The following IL16 variants were observed in gnomAD, a reference collection of about 807,000 sequenced individuals.
IL16 encodes the protein pro-interleukin-16.
A neutral mutation model predicts 110.1 loss-of-function variants in IL16; 67 were observed. The observed-to-expected ratio is 0.61, with a 90% confidence interval of 0.50 to 0.75. IL16 has a LOEUF of 0.75. IL16 is among the 30% of genes least tolerant of loss of function. The pLI, the probability that IL16 is intolerant of heterozygous loss-of-function variation, is 0.00. For missense variants in IL16, 1,545 were observed against 1,655.0 expected, an observed-to-expected ratio of 0.93 and a Z score of 1.15; for synonymous variants, 689 against 662.9, an observed-to-expected ratio of 1.04 and a Z score of -0.61.
intron 1 of IL16, among the ~76,000 whole-genome samples, chr15:81,210,777 A>G (rs931276897): frequency 1.3e-5 from 2 of 152,214 alleles, no homozygotes; most frequent in Admixed American, 6.5e-5. Context: ...ATAGATTCAT[A>G]TTGACAACGA....
At chr15:81,279,095 T>C (rs552607120) in intron 7 of IL16, among the ~76,000 whole-genome samples, 190 of 152,358 alleles carry the variant, frequency 1.2e-3, no homozygotes, top group African/African-American at 4.4e-3. Context: ...ATTTTAAAAC[T>C]CTTTAATATT....
In IL16 at chr15:81,285,777, C is replaced by A. The variant is rs201587454; in HGVS notation, c.1279C>A (p.His427Asn). Reference protein sequence around the residue: ...TLNEVYTILSHCDPGPVPIIV... With the variant: ...TLNEVYTILSNCDPGPVPIIV... Reference sequence around the variant, plus strand: ...CAATGAAGTCTACACGATCCTGAGTCACTGTGATCCCGGTCCAGTCCCCAT... The same window carrying A: ...CAATGAAGTCTACACGATCCTGAGTAACTGTGATCCCGGTCCAGTCCCCAT... The change falls in exon 10 of 19, where the codon CAC becomes AAC. Residue 427 changes from histidine (H) to asparagine (N), a missense_variant. This residue lies in a region of IL16 where 1,185 missense variants were observed against 1,238.8 expected (regional missense o/e 0.96). Transcript: ENST00000683961. 2.5e-6 allele frequency: 4 copies of A among 1,614,158 alleles called. No individual in the cohort carries two copies. In the East Asian group the frequency reaches 8.9e-5, roughly 36 times the overall value.
At chr15:81,253,671 T>C (rs1178029739) in intron 2 of IL16, among the ~76,000 whole-genome samples, 1 of 152,248 alleles carries the variant, frequency 6.6e-6, no homozygotes, top group East Asian at 1.9e-4. Flanking sequence ...TTCACTCTTT[T>C]GCATGTGAAT....
At chr15:81,218,841 A>T (rs935548950) in intron 1 of IL16, among the ~76,000 whole-genome samples, 2 of 152,188 alleles carry the variant, frequency 1.3e-5, no homozygotes, top group African/African-American at 2.4e-5. Context: ...ATGGTATTCC[A>T]TCATACAAAT....
Position 81,306,013 on chromosome 15 carries a change from C to T in IL16, c.3526C>T (p.His1176Tyr), listed in dbSNP as rs757843847. ...NGKSLKGTTH[H>Y]DALAILRQAR... is the part of the protein sequence containing the mutation. ...CAAGTCTCTCAAGGGGACCACGCAC[C>T]ATGATGCCTTGGCCATCCTCCGCCA... The change falls in exon 17 of 19, where the codon CAT becomes TAT. Residue 1176 changes from histidine to tyrosine, a missense_variant. His to Tyr is a moderately conservative substitution (Grantham distance 83, BLOSUM62 2). Coordinates refer to ENST00000683961, the MANE Select transcript of IL16 (RefSeq NM_172217.5). 4 of 1,614,226 alleles carry T rather than the reference C, an allele frequency of 2.5e-6. No homozygotes were observed. Among genetic ancestry groups the T allele is most frequent in the Admixed American group, 1.7e-5 (1 of 60,028 alleles).
At chr15:81,235,900 T>C (rs750528884) in intron 2 of IL16, among the ~76,000 whole-genome samples, 15 of 152,200 alleles carry the variant, frequency 9.9e-5, no homozygotes, top group Non-Finnish European at 1.8e-4. Context: ...GCTTTGGGCA[T>C]TCCCATTGGG....
At chr15:81,301,263 T>A in intron 14 of IL16, 81 bp from the exon 15 acceptor site, 1 of 1,308,816 alleles carries the variant, frequency 7.6e-7, no homozygotes, top group Non-Finnish European at 1.1e-6. Flanking sequence ...GCACCACACC[T>A]GGGACATAGT....
chr15:81,261,009 T>A (rs28495786), intron 3 of IL16, among the ~76,000 whole-genome samples: 3 of 152,324 alleles, frequency 2.0e-5, no homozygotes, highest in African/African-American at 7.2e-5. Context: ...TACCTATTTC[T>A]TCAATCATAG....
chr15:81,224,939 C>T (rs1213651074), intron 1 of IL16, among the ~76,000 whole-genome samples: 1 of 152,168 alleles, frequency 6.6e-6, no homozygotes, highest in Non-Finnish European at 1.5e-5. Context: ...GTTTAAAAAC[C>T]TCACAAAGTA....
chr15:81,260,774 G>A (rs1898120951), intron 3 of IL16, among the ~76,000 whole-genome samples: 1 of 152,170 alleles, frequency 6.6e-6, no homozygotes, highest in African/African-American at 2.4e-5. Flanking sequence ...TCCCCTCTGA[G>A]TCTCACATGA....
chr15:81,249,972 A>G (rs1444972338), intron 2 of IL16, among the ~76,000 whole-genome samples: 2 of 152,140 alleles, frequency 1.3e-5, no homozygotes, highest in African/African-American at 4.8e-5. Context: ...TTTAATATGA[A>G]TAATTTTTTT....
Position 81,269,549 on chromosome 15 carries a change from A to G in IL16, c.576A>G (p.Arg192=). ...CPAGKAAGTS[R]PTRSLSTAQL... The stretch of plus-strand genomic sequence containing the variant: ...GTTCCTTGTTGCAGGGAACTTCGAG[A>G]CCAACACGGTCCCTGAGCACAGCTC... The change falls in exon 5 of 19, where the codon AGA becomes AGG. Residue 192 remains arginine (R), a synonymous_variant. Transcript: ENST00000683961. The G allele has an allele frequency of 6.2e-7, 1 of 1,613,686 alleles. No homozygotes were observed. The highest frequency in any genetic ancestry group is 8.5e-7 in the Non-Finnish European group (1 of 1,179,676).
At chr15:81,183,943 G>A (rs1232439269) in intron 1 of IL16, among the ~76,000 whole-genome samples, 1 of 152,214 alleles carries the variant, frequency 6.6e-6, no homozygotes, top group Non-Finnish European at 1.5e-5. Context: ...CAAATGGCAT[G>A]TACGTATTCA....
chr15:81,216,333 C>T (rs372440592), intron 1 of IL16, among the ~76,000 whole-genome samples: 3 of 152,188 alleles, frequency 2.0e-5, no homozygotes, highest in African/African-American at 7.2e-5. Flanking sequence ...AAGAGTGAGG[C>T]ATCCTTCAGT....
At chr15:81,208,421 G>C (rs1031772021) in intron 1 of IL16, among the ~76,000 whole-genome samples, 6 of 152,318 alleles carry the variant, frequency 3.9e-5, no homozygotes, top group African/African-American at 1.4e-4. Context: ...CTGCCTCCCA[G>C]GTTCCAGCGA....
intron 16 of IL16, among the ~76,000 whole-genome samples, chr15:81,305,194 T>C (rs1053968361): frequency 5.3e-5 from 8 of 152,210 alleles, no homozygotes; most frequent in African/African-American, 1.9e-4. Flanking sequence ...ACCCTGCCAA[T>C]ACTTAGAAAT....
At chr15:81,201,199 C>G (rs778825061) in intron 1 of IL16, among the ~76,000 whole-genome samples, 42 of 151,730 alleles carry the variant, frequency 2.8e-4, no homozygotes, top group Middle Eastern at 3.4e-3. Flanking sequence ...AGAAATATAT[C>G]TAAAAATAAT....
chr15:81,271,927 G>A (rs557809749), intron 5 of IL16, among the ~76,000 whole-genome samples: 10 of 152,184 alleles, frequency 6.6e-5, no homozygotes, highest in African/African-American at 9.6e-5. Flanking sequence ...TCAGCGCAGC[G>A]GCTCTGGCCT....
chr15:81,187,866 G>T (rs532659274), intron 1 of IL16, among the ~76,000 whole-genome samples: 1 of 152,288 alleles, frequency 6.6e-6, no homozygotes, highest in Admixed American at 6.5e-5. Flanking sequence ...CAAGCCATGG[G>T]TTATTCTGGG....
Sources: allele counts gnomAD v4.1 joint callset (sites outside exome capture counted in the v4.1 genomes callset), GRCh38; gene constraint gnomAD v4.1.1; regional missense constraint gnomAD v4.1.1; transcripts MANE v1.5; gene names NCBI Gene and HGNC (gene_info 2026-07-23, HGNC 2026-07-21).